The following EIF4G2 variants were observed in gnomAD, a reference collection of about 807,000 sequenced individuals.
EIF4G2 encodes the protein DAP-5.
Under a neutral mutation model 117.7 loss-of-function variants are expected in EIF4G2, and 8 were observed. The observed-to-expected ratio is 0.07, with a 90% CI of 0.04 to 0.12. The LOEUF is 0.12. EIF4G2 is among the 10% of genes least tolerant of loss of function. The probability of loss-of-function intolerance (pLI) is 1.00; values close to 1 mark genes in which losing one functional copy is unlikely to be tolerated. For synonymous variants in EIF4G2, 413 were observed against 367.8 expected, an observed-to-expected ratio of 1.12 and a Z score of -1.41; for missense variants, 812 against 1,086.2, an observed-to-expected ratio of 0.75 and a Z score of 3.55.
At chr11:10,801,834 C>G (rs1261981093) in intron 13 of EIF4G2, 60 bp from the exon 14 acceptor site, 1 of 1,513,448 alleles carries the variant, frequency 6.6e-7, no homozygotes, top group Non-Finnish European at 9.1e-7. Context: ...TTATGGTAAT[C>G]AAGTACCAAA....
chr11:10,803,874 C>T lies in EIF4G2; in HGVS notation c.702+25G>A, dbSNP rs769956421. 2.4e-5 allele frequency: 39 copies of T among 1,597,792 alleles called. No homozygotes were observed. Among genetic ancestry groups the T allele is most frequent in the Non-Finnish European group, 2.7e-5 (32 of 1,169,146 alleles). On this transcript the variant is annotated intron_variant, in intron 8 of 21. Transcript: ENST00000339995. The surrounding 1 kb of genome is among the most constrained non-coding windows in gnomAD (Gnocchi z 4.0). ...TTTCCTCCAAACGACTGACTACATT[C>T]GCCTAACTTCCCTGTCACACTTACT...
Position 10,799,318 on chromosome 11 carries a change from A to T in EIF4G2, c.2431T>A (p.Ser811Thr). 1.2e-6 allele frequency: 2 copies of T among 1,614,074 alleles called. No homozygotes were observed. The highest frequency in any genetic ancestry group is 2.7e-5 in the African/African-American group (2 of 75,052). The stretch of plus-strand genomic sequence containing the variant: ...AATTTCTGCATTACTGGCTTGAAAG[A>T]TAGTAGTAGTTGTTTTTCCTGCTCT... The change falls in exon 20 of 22, where the codon TCT becomes ACT. Residue 811 changes from serine to threonine, a missense_variant. Around this residue, in one of 4 missense-constraint regions of EIF4G2, gnomAD observed 571 missense variants for 642.3 expected, o/e 0.89. Transcript: ENST00000339995.
chr11:10,800,400 G>A, intron 17 of EIF4G2, 32 bp downstream of exon 17: 1 of 1,613,168 alleles, frequency 6.2e-7, no homozygotes, highest in South Asian at 1.1e-5. Flanking sequence ...AGTGGTAAGA[G>A]TTCTTACCAC....
chr11:10,799,969 T>C lies in EIF4G2; in HGVS notation c.2119+121A>G, dbSNP rs1173219865. On this transcript the variant is annotated intron_variant, in intron 18 of 21. Transcript: ENST00000339995. ...TCTTTATAGGTGAGATCTGTGGTAATGTTTATCATTATCTGAGCAGGACAA... is the reference window on the plus strand; with the variant it reads ...TCTTTATAGGTGAGATCTGTGGTAACGTTTATCATTATCTGAGCAGGACAA... 3.3e-6 allele frequency: 4 copies of C among 1,204,544 alleles called. No homozygotes were observed. The Admixed American group carries it at 9.1e-5, about 27-fold the overall frequency. The allele number at this position is 1,204,544 out of a possible 1,614,324, so 74.6% of individuals were successfully genotyped here. A position where few individuals can be genotyped will look rare whatever the true frequency, so the allele number is the denominator to read the frequency against.
chr11:10,804,700 C>CT lies in EIF4G2; in HGVS notation c.351+212dup, dbSNP rs1484491238. ...GCTTGCTAAGCACTCCCATTTACCTCTTCAACCATACCATGAACTTAACAT... is the reference window on the plus strand; with the variant it reads ...GCTTGCTAAGCACTCCCATTTACCTCTTTCAACCATACCATGAACTTAACAT... On this transcript the variant is annotated intron_variant, in intron 5 of 21. Coordinates refer to ENST00000339995, the MANE Select transcript of EIF4G2 (RefSeq NM_001418.4). 2.0e-5 allele frequency: 12 copies of CT among 601,750 alleles called. No individual in the cohort carries two copies. The East Asian group carries it at 3.3e-4, about 17-fold the overall frequency. The allele number at this position is 601,750 out of a possible 1,614,324, so 37.3% of individuals were successfully genotyped here.
intron 1 of EIF4G2, chr11:10,807,898 A>T: frequency 9.9e-7 from 1 of 1,009,540 alleles, no homozygotes; most frequent in Non-Finnish European, 1.2e-6. Context: ...GCGGAAGACC[A>T]GGGCCACAAC....
In EIF4G2 at chr11:10,801,696, G is replaced by T. The variant is rs746458672; in HGVS notation, c.1378C>A (p.Arg460=). The T allele has an allele frequency of 6.2e-7, 1 of 1,614,122 alleles. No homozygotes were observed. Among genetic ancestry groups the T allele is most frequent in the Non-Finnish European group, 8.5e-7 (1 of 1,180,014 alleles). Residue 460 remains arginine, a synonymous_variant, in exon 14 of 22, where the codon CGG becomes AGG. Coordinates refer to ENST00000339995, the MANE Select transcript of EIF4G2 (RefSeq NM_001418.4). ...TTAAGCTGTCCTTTCTTAGAAAACCGAGGTGGCATATCCTTCGACTGTCCT... is the reference window on the plus strand; with the variant it reads ...TTAAGCTGTCCTTTCTTAGAAAACCTAGGTGGCATATCCTTCGACTGTCCT...
At chr11:10,806,136 G>T in intron 3 of EIF4G2, 89 bp from the exon 4 acceptor site, 1 of 1,562,090 alleles carries the variant, frequency 6.4e-7, no homozygotes, top group Non-Finnish European at 8.7e-7. Flanking sequence ...AAGTAATTTA[G>T]GCTTTCTCGA....
intron 18 of EIF4G2, 40 bp downstream of exon 18, chr11:10,800,041 CTAGATATAA>C (rs1847372657): frequency 6.3e-7 from 1 of 1,578,716 alleles, no homozygotes; most frequent in African/African-American, 1.4e-5. Context: ...CCTGAAATCT[CTAGATATAA>C]TATTAAAAAA....
At position 10,808,397 on chromosome 11, in the gene EIF4G2, C is replaced by G. The variant is rs777710987; in HGVS notation, c.-87+308G>C. On this transcript the variant is annotated intron_variant, in intron 1 of 21. Coordinates refer to ENST00000339995, the MANE Select transcript of EIF4G2 (RefSeq NM_001418.4). ...CGGCGCTAGCGGTCCGAGCCACGCT[C>G]CCTCGCCGTCCGAGCACAGCCGTGC... The G allele has an allele frequency of 5.7e-5, 71 of 1,251,988 alleles. 1 individual carries two copies. In the South Asian group the frequency reaches 8.5e-4, roughly 15 times the overall value. The allele number at this position is 1,251,988 out of a possible 1,614,324, so 77.6% of individuals were successfully genotyped here.
In EIF4G2 at chr11:10,806,804, T is replaced by C. The variant is rs1182643030; in HGVS notation, c.107+16A>G. The C allele has an allele frequency of 2.5e-6, 4 of 1,613,532 alleles. No homozygotes were observed. The highest frequency in any genetic ancestry group is 1.3e-5 in the African/African-American group (1 of 74,928). ...TGTTAAATAAAGCTCACTGTTTTTT[T>C]ACATGTTTACCACACCTGTTGCCAG... is the stretch of plus-strand genomic sequence containing the variant. On this transcript the variant is annotated intron_variant, in intron 3 of 21. Coordinates refer to ENST00000339995, the MANE Select transcript of EIF4G2 (RefSeq NM_001418.4).
chr11:10,807,595 A>C, intron 1 of EIF4G2: 1 of 1,193,366 alleles, frequency 8.4e-7, no homozygotes. Context: ...TTCGTAGAAC[A>C]CAAGAGCATT....
At chr11:10,804,848 A>G in intron 5 of EIF4G2, 65 bp downstream of exon 5, 2 of 1,391,380 alleles carry the variant, frequency 1.4e-6, no homozygotes, top group Non-Finnish European at 2.0e-6. Context: ...GTGTAAAAAA[A>G]CACAACTTGA....
intron 3 of EIF4G2, chr11:10,806,365 T>TGG: frequency 5.3e-6 from 2 of 374,420 alleles, no homozygotes; most frequent in Non-Finnish European, 9.9e-6. Flanking sequence ...TTTTAAGAGA[T>TGG]GGGGTCTTGC....
rs201857348 is a variant in EIF4G2 at position 10,806,809 on chromosome 11, G to C, written c.107+11C>G. 47 of 1,613,724 alleles carry C rather than the reference G, an allele frequency of 2.9e-5. No individual in the cohort carries two copies. Among genetic ancestry groups the C allele is most frequent in the Non-Finnish European group, 3.7e-5 (44 of 1,179,714 alleles). Reference sequence around the variant, plus strand: ...AATAAAGCTCACTGTTTTTTTACATGTTTACCACACCTGTTGCCAGCAGTC... The same window carrying C: ...AATAAAGCTCACTGTTTTTTTACATCTTTACCACACCTGTTGCCAGCAGTC... On this transcript the variant is annotated intron_variant, in intron 3 of 21. Coordinates refer to ENST00000339995, the MANE Select transcript of EIF4G2 (RefSeq NM_001418.4).
intron 4 of EIF4G2, among the ~76,000 whole-genome samples, chr11:10,805,309 T>G (rs919644701): frequency 6.6e-5 from 10 of 152,166 alleles, no homozygotes; most frequent in Non-Finnish European, 1.3e-4. Flanking sequence ...CTAAGACCAT[T>G]ATATTCCCTG....
chr11:10,800,046 TA>T, intron 18 of EIF4G2, 43 bp downstream of exon 18: 1 of 1,587,844 alleles, frequency 6.3e-7, no homozygotes, highest in Non-Finnish European at 8.5e-7. Context: ...AATCTCTAGA[TA>T]TAATATTAAA....
In EIF4G2 at chr11:10,804,350, T is replaced by C. The variant is rs762287091; in HGVS notation, c.420A>G (p.Ala140=). The change falls in exon 6 of 22, where the codon GCA becomes GCG. Residue 140 remains alanine, a synonymous_variant. Transcript: ENST00000339995. ...GGCCATCAAAGTTTGGTGCATCTTCTGCCAATCGCAGACATAGCTGAGCAT... is the reference window on the plus strand; with the variant it reads ...GGCCATCAAAGTTTGGTGCATCTTCCGCCAATCGCAGACATAGCTGAGCAT... 8.7e-6 allele frequency: 14 copies of C among 1,614,238 alleles called. No individual in the cohort carries two copies. The highest frequency in any genetic ancestry group is 1.7e-4 in the Middle Eastern group (1 of 6,060).
chr11:10,805,756 T>C, intron 4 of EIF4G2, 151 bp downstream of exon 4: 2 of 1,211,570 alleles, frequency 1.7e-6, no homozygotes, highest in Non-Finnish European at 2.4e-6. Context: ...CCTGGCCAGT[T>C]CAAGATATTT....
Sources: gnomAD v4.1 joint callset for allele counts (sites outside exome capture counted in the v4.1 genomes callset) on GRCh38, gnomAD v4.1.1 for gene constraint, gnomAD v4.1.1 regional missense constraint, Gnocchi (gnomAD v3.1) non-coding constraint, MANE v1.5 for transcripts, NCBI Gene and HGNC (gene_info 2026-07-23, HGNC 2026-07-21) for gene names.